Variants in NOL9 observed in about 807,000 individuals in gnomAD.
The protein encoded by NOL9 is polynucleotide 5'-hydroxyl-kinase NOL9.
Under a neutral mutation model 67.9 loss-of-function variants are expected in NOL9, and 28 were observed. The ratio of observed to expected loss-of-function variants is 0.41; its 90% CI spans 0.31 to 0.57. The LOEUF is 0.57. NOL9 is among the 20% of genes least tolerant of loss of function. The pLI, the probability that NOL9 is intolerant of heterozygous loss-of-function variation, is 0.25. For synonymous variants in NOL9, 356 were observed against 352.2 expected, an observed-to-expected ratio of 1.01 and a Z score of -0.12; for missense variants, 777 against 897.0, an observed-to-expected ratio of 0.87 and a Z score of 1.71.
At chr1:6,537,707 T>TA (rs1183246200) in intron 6 of NOL9, among the ~76,000 whole-genome samples, 2 of 152,308 alleles carry the variant, frequency 1.3e-5, no homozygotes, top group East Asian at 3.9e-4. Context: ...ATCTTCAAGA[T>TA]AGTCTTTTCA....
rs2148652208 is a variant in NOL9, at chr1:6,532,456, T to G, written c.1535+7A>C. 6.2e-7 allele frequency: 1 copy of G among 1,602,734 alleles called. No homozygotes were observed. Among genetic ancestry groups the G allele is most frequent in the African/African-American group, 1.3e-5 (1 of 74,592 alleles). On this transcript the variant is annotated splice_region_variant and intron_variant, in intron 8 of 11. Coordinates refer to ENST00000377705, the MANE Select transcript of NOL9 (RefSeq NM_024654.5). ...AATAATTCTTCAGCCAAATGAGGGTTAGTTACCTATTTCTTGGAGTTATTC... is the reference window on the plus strand; with the variant it reads ...AATAATTCTTCAGCCAAATGAGGGTGAGTTACCTATTTCTTGGAGTTATTC...
At chr1:6,540,121 A>ATTCT (rs1639247392) in intron 6 of NOL9, among the ~76,000 whole-genome samples, 1 of 19,000 alleles carries the variant, frequency 5.3e-5, no homozygotes, top group Non-Finnish European at 1.1e-4. Flanking sequence ...AAGGAGAGTT[A>ATTCT]TTCTTTTTTT....
In NOL9 at chr1:6,554,389, C is replaced by G. The variant is rs1157508168; in HGVS notation, c.114G>C (p.Gly38=). 1 of 1,489,538 alleles carries G rather than the reference C, an allele frequency of 6.7e-7. No individual in the cohort carries two copies. Among genetic ancestry groups the G allele is most frequent in the African/African-American group, 1.5e-5 (1 of 68,728 alleles). The allele number at this position is 1,489,538 out of a possible 1,614,324, so 92.3% of individuals were successfully genotyped here. The change falls in exon 1 of 12, where the codon GGG becomes GGC. Residue 38 remains glycine, a synonymous_variant. Coordinates refer to ENST00000377705, the MANE Select transcript of NOL9 (RefSeq NM_024654.5). ...GCCGCCGACCGCACCAGCGCAGGCTCCCGAGCCGGCGGCGGGGCCGGCGGC... is the reference window on the plus strand; with the variant it reads ...GCCGCCGACCGCACCAGCGCAGGCTGCCGAGCCGGCGGCGGGGCCGGCGGC... ...ILSRRPRRRL[G]SLRWCGRRRL... is the part of the protein sequence containing the mutation.
chr1:6,550,193 G>C (rs1639514949), intron 2 of NOL9, among the ~76,000 whole-genome samples: 1 of 152,060 alleles, frequency 6.6e-6, no homozygotes, highest in Admixed American at 6.6e-5. Flanking sequence ...CACCACGCTT[G>C]GCTAATTTTT....
rs992620706 is a variant in NOL9 at position 6,525,949 on chromosome 1, G to C, written c.2014C>G (p.Pro672Ala). Residue 672 changes from proline (P) to alanine (A), a missense_variant, in exon 12 of 12, where the codon CCT (proline) becomes GCT (alanine). This residue lies in a region of NOL9 where 413 missense variants were observed against 552.6 expected (regional missense o/e 0.75). Coordinates refer to ENST00000377705, the MANE Select transcript of NOL9 (RefSeq NM_024654.5). ...GCTCCAATTTTCTCTGATGCTCCAG[G>C]AAGTTTAAAATTGTAATCCGTTGTG... The part of the protein sequence containing the change: ...YVTTDYNFKL[P>A]GASEKIGARE... The C allele has an allele frequency of 1.9e-6, 3 of 1,613,828 alleles. 1 individual carries two copies. Among genetic ancestry groups the C allele is most frequent in the South Asian group, 2.2e-5 (2 of 91,086 alleles).
At chr1:6,531,926 T>C in intron 9 of NOL9, 42 bp downstream of exon 9, 1 of 1,495,240 alleles carries the variant, frequency 6.7e-7, no homozygotes, top group Non-Finnish European at 9.3e-7. Context: ...CACACAAGTG[T>C]GTAACAAAAT....
rs1639614014 is a variant in NOL9 at position 6,554,195 on chromosome 1, G to T, written c.308C>A (p.Ser103Tyr). 6.6e-7 allele frequency: 1 copy of T among 1,521,800 alleles called. No individual in the cohort carries two copies. Among genetic ancestry groups the T allele is most frequent in the Non-Finnish European group, 8.8e-7 (1 of 1,133,990 alleles). 94.3% of individuals were successfully genotyped at this position (1,521,800 alleles called of 1,614,324 possible). ...SEPESEPELE[S>Y]ASSCHRPLLI... Reference sequence around the variant, plus strand: ...GAGAGGCCGGTGGCAACTCGAGGCGGATTCGAGTTCGGGTTCGGACTCGGG... The same window carrying T: ...GAGAGGCCGGTGGCAACTCGAGGCGTATTCGAGTTCGGGTTCGGACTCGGG... Residue 103 changes from serine (S) to tyrosine (Y), a missense_variant, in exon 1 of 12, where the codon TCC (serine) becomes TAC (tyrosine). Physicochemically the swap from Ser to Tyr is moderately radical, Grantham distance 144. Coordinates refer to ENST00000377705, the MANE Select transcript of NOL9 (RefSeq NM_024654.5).
At position 6,554,475 on chromosome 1, in the gene NOL9, G is replaced by A. The variant is rs4908923; in HGVS notation, c.28C>T (p.Arg10Trp). ...AGCCAAGTGGAACGGCAGGAACCCC[G>A]CTTTAGCAGCAGTCCCGAGTCCGCC... Reference protein sequence around the residue: MADSGLLLKRGSCRSTWLRV... With the variant: MADSGLLLKWGSCRSTWLRV... The change falls in exon 1 of 12, where the codon CGG becomes TGG. Residue 10 changes from arginine (R) to tryptophan (W), a missense_variant. Coordinates refer to ENST00000377705, the MANE Select transcript of NOL9 (RefSeq NM_024654.5). The A allele has an allele frequency of 0.85, 1,309,108 of 1,544,880 alleles. 559,861 individuals carry two copies. Among genetic ancestry groups the A allele is most frequent in the Admixed American group, 0.89 (46,148 of 52,014 alleles).
intron 1 of NOL9, among the ~76,000 whole-genome samples, chr1:6,552,900 C>T (rs1264571302): frequency 2.6e-5 from 4 of 152,118 alleles, no homozygotes; most frequent in Non-Finnish European, 5.9e-5. Flanking sequence ...CAACCTCCAG[C>T]TCCCGGGTTC....
intron 6 of NOL9, among the ~76,000 whole-genome samples, chr1:6,535,230 A>C (rs1639122291): frequency 6.6e-6 from 1 of 152,158 alleles, no homozygotes; most frequent in African/African-American, 2.4e-5. Flanking sequence ...CACTGAGGGG[A>C]TCTAGAAACA....
At chr1:6,550,228 T>C (rs1639515605) in intron 2 of NOL9, among the ~76,000 whole-genome samples, 168 bp downstream of exon 2, 1 of 152,146 alleles carries the variant, frequency 6.6e-6, no homozygotes, top group African/African-American at 2.4e-5. Context: ...AGACAGGGTT[T>C]CACCATCTTA....
At chr1:6,549,500 C>G in intron 3 of NOL9, 71 bp downstream of exon 3, 1 of 1,560,974 alleles carries the variant, frequency 6.4e-7, no homozygotes, top group Non-Finnish European at 8.7e-7. Flanking sequence ...AGACAACATC[C>G]TACATAGTCA....
intron 3 of NOL9, among the ~76,000 whole-genome samples, chr1:6,545,535 A>C (rs538228591): frequency 2.6e-4 from 40 of 152,346 alleles, no homozygotes; most frequent in African/African-American, 8.2e-4. Flanking sequence ...GAAAACATAA[A>C]GCAAAAACAC....
At chr1:6,550,072 C>T (rs1023010551) in intron 2 of NOL9, among the ~76,000 whole-genome samples, 1 of 152,112 alleles carries the variant, frequency 6.6e-6, no homozygotes, top group Non-Finnish European at 1.5e-5. Context: ...CGCTCTGTTG[C>T]CCAGGCTGGA....
In NOL9 at chr1:6,554,110, C is replaced by G. The variant is rs973253187; in HGVS notation, c.393G>C (p.Glu131Asp). 2 of 1,527,314 alleles carry G rather than the reference C, an allele frequency of 1.3e-6. No homozygotes were observed. Among genetic ancestry groups the G allele is most frequent in the Admixed American group, 4.0e-5 (2 of 49,544 alleles). 94.6% of individuals were successfully genotyped at this position (1,527,314 alleles called of 1,614,324 possible). The change falls in exon 1 of 12, where the codon GAG becomes GAC. Residue 131 changes from glutamate (E) to aspartate (D), a missense_variant. Physicochemically the swap from Glu to Asp is conservative, Grantham distance 45 (BLOSUM62 2). This residue lies in a region of NOL9 where 364 missense variants were observed against 344.4 expected (regional missense o/e 1.06). Transcript: ENST00000377705. ...ACTACCGGCGCCCCCCACCTACCTGCTCGACCGGCAGCAGCAGCAACGCGC... is the reference window on the plus strand; with the variant it reads ...ACTACCGGCGCCCCCCACCTACCTGGTCGACCGGCAGCAGCAGCAACGCGC... ...PGRALLLLPV[E>D]QGFTFSGICR...
intron 3 of NOL9, 106 bp downstream of exon 3, chr1:6,549,465 A>G: frequency 1.6e-6 from 2 of 1,270,266 alleles, no homozygotes; most frequent in Non-Finnish European, 2.2e-6. Flanking sequence ...GACTGAGAGC[A>G]CTAGATAGAC....
chr1:6,540,315 G>A (rs1483980956), intron 6 of NOL9, among the ~76,000 whole-genome samples: 3 of 151,592 alleles, frequency 2.0e-5, no homozygotes, highest in Non-Finnish European at 4.4e-5. Flanking sequence ...GTAGAGACGG[G>A]GTTTCACCAT....
At position 6,529,181 on chromosome 1, in the gene NOL9, G is replaced by C; in HGVS notation, c.1648-10C>G. 1.9e-6 allele frequency: 3 copies of C among 1,608,896 alleles called. No homozygotes were observed. Among genetic ancestry groups the C allele is most frequent in the Non-Finnish European group, 2.6e-6 (3 of 1,175,714 alleles). The stretch of plus-strand genomic sequence containing the variant: ...CTGCATTGAAAGGGACCTGGAAAAT[G>C]AATTTGCATCTCACTCTATTCATGG... On this transcript the variant is annotated splice_polypyrimidine_tract_variant and intron_variant, in intron 9 of 11. Coordinates refer to ENST00000377705, the MANE Select transcript of NOL9 (RefSeq NM_024654.5).
rs1639522193 is a variant in NOL9, at chr1:6,550,505, A to G, written c.507T>C (p.Tyr169=). The change falls in exon 2 of 12, where the codon TAT becomes TAC. Residue 169 remains tyrosine (Y), a synonymous_variant. Coordinates refer to ENST00000377705, the MANE Select transcript of NOL9 (RefSeq NM_024654.5). ...GQPAQDIFSV[Y]THSCLSIHAL... ...CATGGATACTCAAGCAAGAGTGGGT[A>G]TACACAGAGAAGATGTCTTGGGCAG... 2 of 1,614,160 alleles carry G rather than the reference A, an allele frequency of 1.2e-6. No individual in the cohort carries two copies. The highest frequency in any genetic ancestry group is 1.7e-6 in the Non-Finnish European group (2 of 1,180,020).
Sources: allele counts gnomAD v4.1 joint callset (sites outside exome capture counted in the v4.1 genomes callset), GRCh38; gene constraint gnomAD v4.1.1; regional missense constraint gnomAD v4.1.1; transcripts MANE v1.5; gene names NCBI Gene and HGNC (gene_info 2026-07-23, HGNC 2026-07-21).